The following MTMR14 variants were observed in gnomAD, a reference collection of about 807,000 sequenced individuals.
The protein encoded by MTMR14 is myotubularin related protein 14.
In MTMR14, 48 loss-of-function variants were observed where a neutral mutation model predicts 86.3. The observed-to-expected ratio is 0.56, with a 90% CI of 0.44 to 0.71. MTMR14 has a LOEUF of 0.71. Among genes scored for constraint, MTMR14 ranks in the 30% least tolerant of loss-of-function variants. The pLI is 0.00. For missense variants in MTMR14, 780 were observed against 834.6 expected (o/e 0.93, Z 0.81); for synonymous variants, 366 against 326.1 (o/e 1.12, Z -1.32).
intron 7 of MTMR14, among the ~76,000 whole-genome samples, chr3:9,676,184 C>G (rs1369327280): frequency 6.6e-6 from 1 of 152,236 alleles, no homozygotes; most frequent in East Asian, 1.9e-4. Context: ...CCTCACCAGA[C>G]TTGGAGGTGT....
At chr3:9,682,186 C>T (rs1470943185) in intron 9 of MTMR14, among the ~76,000 whole-genome samples, 26 of 152,174 alleles carry the variant, frequency 1.7e-4, no homozygotes. Flanking sequence ...CTGATAATGA[C>T]TTTATTAGCA....
chr3:9,665,889 C>T lies in MTMR14; in HGVS notation c.418-2830C>T, dbSNP rs559969050. Among the ~76,000 whole-genome samples the T allele has an allele frequency of 3.2e-4, 49 of 151,790 alleles. 1 individual carries two copies. The highest frequency in any genetic ancestry group is 7.4e-5 in the Non-Finnish European group (5 of 67,958). On this transcript the variant is annotated intron_variant, in intron 3 of 18. Transcript: ENST00000296003. ...GACTACAGGTGCCTGCCACCATGCC[C>T]GGCTAATTGTTTGTATTTTTTAGTA...
chr3:9,653,065 CT>C (rs1244477009), intron 1 of MTMR14, among the ~76,000 whole-genome samples: 2 of 152,144 alleles, frequency 1.3e-5, no homozygotes, highest in African/African-American at 4.8e-5. Context: ...GGTGAAACCC[CT>C]GTCTCTACTA....
At chr3:9,694,986 AG>A (rs2076242214) in intron 17 of MTMR14, among the ~76,000 whole-genome samples, 1 of 152,202 alleles carries the variant, frequency 6.6e-6, no homozygotes, top group Non-Finnish European at 1.5e-5. Context: ...AGCGTTGTTC[AG>A]CTCCGCCACC....
chr3:9,651,740 G>A (rs760963494), intron 1 of MTMR14, among the ~76,000 whole-genome samples: 8 of 151,444 alleles, frequency 5.3e-5, no homozygotes, highest in East Asian at 1.9e-4. Context: ...ATCTTGGCTC[G>A]CTGCAACTTC....
chr3:9,656,094 C>T (rs1189993634), intron 2 of MTMR14, among the ~76,000 whole-genome samples: 3 of 151,998 alleles, frequency 2.0e-5, no homozygotes, highest in Admixed American at 2.0e-4. Flanking sequence ...ACTCGGGAGG[C>T]TGAGGCAGGA....
In MTMR14 at chr3:9,660,004, C is replaced by T. The variant is rs528496935; in HGVS notation, c.309-2263C>T. Reference sequence around the variant, plus strand: ...GGGCTGGTATGAGCTAAGTGAGAGTCGGTTGCAGCAGATGGTGCTGACCAG... The same window carrying T: ...GGGCTGGTATGAGCTAAGTGAGAGTTGGTTGCAGCAGATGGTGCTGACCAG... On this transcript the variant is annotated intron_variant, in intron 2 of 18. Coordinates refer to ENST00000296003, the MANE Select transcript of MTMR14 (RefSeq NM_001077525.3). Among the ~76,000 whole-genome samples, 87 of 152,328 alleles carry T rather than the reference C, an allele frequency of 5.7e-4. No homozygotes were observed. In the South Asian group the frequency reaches 0.017, roughly 29 times the overall value.
intron 2 of MTMR14, among the ~76,000 whole-genome samples, chr3:9,654,650 C>T (rs1460511026): frequency 6.6e-6 from 1 of 152,250 alleles, no homozygotes; most frequent in Non-Finnish European, 1.5e-5. Flanking sequence ...TCAGCACTAT[C>T]TGTGAAATCC....
intron 9 of MTMR14, among the ~76,000 whole-genome samples, chr3:9,680,984 T>C (rs960903072): frequency 2.0e-5 from 3 of 152,210 alleles, no homozygotes; most frequent in African/African-American, 7.2e-5. Context: ...CTGATGTCCC[T>C]ACAGATCAGG....
chr3:9,651,050 A>G (rs1428418043), intron 1 of MTMR14, among the ~76,000 whole-genome samples: 1 of 152,008 alleles, frequency 6.6e-6, no homozygotes, highest in East Asian at 1.9e-4. Flanking sequence ...TCAGCCTCCC[A>G]AAGTGCTGGG....
chr3:9,697,902 T>TG, intron 18 of MTMR14, 36 bp downstream of exon 18: 1 of 1,613,098 alleles, frequency 6.2e-7, no homozygotes, highest in Non-Finnish European at 8.5e-7. Context: ...GATGCTCCCC[T>TG]GCCCATGGGA....
rs2076461504 is a variant in MTMR14 at position 9,701,638 on chromosome 3, T to C, written c.1770-152T>C. 4 of 919,366 alleles carry C rather than the reference T, an allele frequency of 4.4e-6. No homozygotes were observed. Among genetic ancestry groups the C allele is most frequent in the South Asian group, 2.8e-5 (2 of 71,358 alleles). The allele number at this position is 919,366 out of a possible 1,614,324, so 57.0% of individuals were successfully genotyped here. A position where few individuals can be genotyped will look rare whatever the true frequency, so the allele number is the denominator to read the frequency against. The stretch of plus-strand genomic sequence containing the variant: ...AAAACAGGGCCAGATATTTGGGGCC[T>C]GAACCACAAGGATAGCATGGCCGTA... On this transcript the variant is annotated intron_variant, in intron 18 of 18. Transcript: ENST00000296003. This position sits in a 1 kb window ranked among gnomAD's most constrained non-coding sequence, Gnocchi z 4.2.
chr3:9,670,523 C>T (rs1023114137), intron 5 of MTMR14, among the ~76,000 whole-genome samples: 8 of 152,228 alleles, frequency 5.3e-5, no homozygotes, highest in Non-Finnish European at 7.3e-5. Flanking sequence ...TTTGCTTCAT[C>T]GGCCTGCTAG....
intron 13 of MTMR14, 62 bp downstream of exon 13, chr3:9,685,309 C>A: frequency 6.3e-7 from 1 of 1,598,622 alleles, no homozygotes; most frequent in Non-Finnish European, 8.6e-7. Flanking sequence ...CAGTGGGTAG[C>A]CTGTCTGAGT....
At chr3:9,675,199 G>A (rs1038058378) in intron 7 of MTMR14, among the ~76,000 whole-genome samples, 1 of 152,170 alleles carries the variant, frequency 6.6e-6, no homozygotes, top group Non-Finnish European at 1.5e-5. Flanking sequence ...ATGTGTGTTA[G>A]GGAGGGTAAT....
In MTMR14 at chr3:9,697,729, G is replaced by T; in HGVS notation, c.1632G>T (p.Leu544=). ...VPKPRSVDHP[L]PGSSLSTDYG... ...GCCCCAGATCAGTGGACCATCCCCT[G>T]CCCGGATCCTCTCTCTCCACAGACT... Residue 544 remains leucine, a synonymous_variant, in exon 18 of 19, where the codon CTG becomes CTT. Transcript: ENST00000296003. The T allele has an allele frequency of 6.2e-7, 1 of 1,614,060 alleles. No individual in the cohort carries two copies. Among genetic ancestry groups the T allele is most frequent in the Non-Finnish European group, 8.5e-7 (1 of 1,180,006 alleles).
intron 2 of MTMR14, among the ~76,000 whole-genome samples, chr3:9,656,708 G>A (rs1247829137): frequency 6.6e-6 from 1 of 152,122 alleles, no homozygotes; most frequent in Non-Finnish European, 1.5e-5. Flanking sequence ...GTGAGCCACC[G>A]CGCCCAGCTG....
At chr3:9,667,540 T>G (rs2048322672) in intron 3 of MTMR14, among the ~76,000 whole-genome samples, 1 of 152,200 alleles carries the variant, frequency 6.6e-6, no homozygotes, top group East Asian at 1.9e-4. Flanking sequence ...TACATCCTAC[T>G]TAAGCCAGCA....
At chr3:9,672,798 G>A (rs2125146469) in intron 7 of MTMR14, 40 bp downstream of exon 7, 2 of 1,576,180 alleles carry the variant, frequency 1.3e-6, no homozygotes, top group East Asian at 2.2e-5. Context: ...CCTAGGACTG[G>A]GGACCTTGGG....
Sources: allele counts gnomAD v4.1 joint callset (sites outside exome capture counted in the v4.1 genomes callset), GRCh38; gene constraint gnomAD v4.1.1; non-coding constraint Gnocchi (gnomAD v3.1); transcripts MANE v1.5; gene names NCBI Gene and HGNC (gene_info 2026-07-23, HGNC 2026-07-21).